Variants in INPP4B observed in about 807,000 individuals in gnomAD.
INPP4B encodes inositol polyphosphate 4-phosphatase type II.
Under a neutral mutation model 122.5 loss-of-function variants are expected in INPP4B, and 55 were observed. The observed-to-expected ratio is 0.45, with a 90% CI of 0.36 to 0.56. The LOEUF (loss-of-function observed/expected upper bound fraction) is 0.56, where lower values mean the gene tolerates loss of function less well. Among genes scored for constraint, INPP4B ranks in the 20% least tolerant of loss-of-function variants. The pLI, the probability that INPP4B is intolerant of heterozygous loss-of-function variation, is 0.00. For synonymous variants in INPP4B, 403 were observed against 388.7 expected (o/e 1.04, Z -0.43); for missense variants, 1,000 against 1,097.7 (o/e 0.91, Z 1.26).
chr4:142,307,634 G>A (rs1327718948), intron 8 of INPP4B, among the ~76,000 whole-genome samples: 1 of 152,178 alleles, frequency 6.6e-6, no homozygotes, highest in Non-Finnish European at 1.5e-5. Flanking sequence ...CAATTTTATA[G>A]TATGCAGATC....
At chr4:142,312,220 C>T (rs3775699) in intron 8 of INPP4B, among the ~76,000 whole-genome samples, 46,418 of 151,986 alleles carry the variant, frequency 0.31, 8,354 homozygotes, top group African/African-American at 0.51. Flanking sequence ...CTCATTAACA[C>T]GCCTTGATGA....
intron 2 of INPP4B, among the ~76,000 whole-genome samples, chr4:142,722,536 G>C (rs183363434): frequency 5.9e-5 from 9 of 152,074 alleles, no homozygotes; most frequent in Admixed American, 5.9e-4. Flanking sequence ...ACCCAGAAGA[G>C]TTAAAAAGAC....
chr4:142,117,233 C>G (rs1794031214), intron 21 of INPP4B, among the ~76,000 whole-genome samples: 1 of 151,924 alleles, frequency 6.6e-6, no homozygotes. Flanking sequence ...ATCAGAGGTA[C>G]AAAGAGAAGC....
chr4:142,651,351 G>C (rs1752924473), intron 2 of INPP4B, among the ~76,000 whole-genome samples: 1 of 151,976 alleles, frequency 6.6e-6, no homozygotes, highest in African/African-American at 2.4e-5. Context: ...GCTAGTGGAA[G>C]GCAAGAAATA....
At chr4:142,676,247 C>T (rs926327941) in intron 2 of INPP4B, among the ~76,000 whole-genome samples, 2 of 151,962 alleles carry the variant, frequency 1.3e-5, no homozygotes, top group Admixed American at 6.6e-5. Context: ...TTCACAATTG[C>T]TACAAAGAGA....
chr4:142,670,698 G>T (rs1434921486), intron 2 of INPP4B, among the ~76,000 whole-genome samples: 2 of 152,078 alleles, frequency 1.3e-5, no homozygotes, highest in African/African-American at 4.8e-5. Context: ...CAAAATTTCA[G>T]TTAGATAGAA....
At chr4:142,471,889 G>T (rs1477111652) in intron 2 of INPP4B, among the ~76,000 whole-genome samples, 1 of 149,510 alleles carries the variant, frequency 6.7e-6, no homozygotes, top group Non-Finnish European at 1.5e-5. Flanking sequence ...ACACACACAC[G>T]TATATGTTAT....
At chr4:142,102,798 C>A (rs759464034) in intron 23 of INPP4B, among the ~76,000 whole-genome samples, 3 of 152,012 alleles carry the variant, frequency 2.0e-5, no homozygotes, top group African/African-American at 7.2e-5. Flanking sequence ...GGGGCCTCAT[C>A]ATTGTTACCT....
chr4:142,705,458 A>AACACACACAC lies in INPP4B; in HGVS notation c.-191+20371_-191+20380dup, dbSNP rs56300337. On this transcript the variant is annotated intron_variant, in intron 2 of 25. Transcript: ENST00000262992. ...AGTCTCTCTACCCATTCCCACCCCA[A>AACACACACAC]ACACACACACACACACACACACACA... 5.8e-3 allele frequency among the ~76,000 whole-genome samples: 855 copies of AACACACACAC among 146,258 alleles called. 13 individuals carry two copies. The highest frequency in any genetic ancestry group is 0.021 in the African/African-American group (805 of 38,996).
At chr4:142,191,051 GAC>G (rs1835583735) in intron 15 of INPP4B, among the ~76,000 whole-genome samples, 1 of 152,176 alleles carries the variant, frequency 6.6e-6, no homozygotes, top group Admixed American at 6.5e-5. Flanking sequence ...TCAAGACTGA[GAC>G]ACAGTTCCAG....
intron 15 of INPP4B, among the ~76,000 whole-genome samples, chr4:142,174,244 A>G (rs1049478695): frequency 6.6e-6 from 1 of 152,108 alleles, no homozygotes; most frequent in Admixed American, 6.6e-5. Context: ...TAGCTTGGTG[A>G]CTTTGGGCAG....
chr4:142,832,579 A>G (rs1782279287), intron 1 of INPP4B, among the ~76,000 whole-genome samples: 1 of 152,232 alleles, frequency 6.6e-6, no homozygotes, highest in Non-Finnish European at 1.5e-5. Flanking sequence ...GGCCCCGGCC[A>G]ACGCAGTGGT....
At position 142,270,700 on chromosome 4, in the gene INPP4B, T is replaced by C; in HGVS notation, c.578A>G (p.Glu193Gly). Residue 193 changes from glutamate to glycine, a missense_variant, in exon 10 of 26, where the codon GAA (glutamate) becomes GGA (glycine). Transcript: ENST00000262992. ...VVKMGEIEDG[E>G]ADHITTDVQG... Reference sequence around the variant, plus strand: ...TACATCTGTGGTGATGTGGTCGGCTTCCCCATCCTCAATCTCCCCCATCTT... The same window carrying C: ...TACATCTGTGGTGATGTGGTCGGCTCCCCCATCCTCAATCTCCCCCATCTT... The C allele has an allele frequency of 6.2e-7, 1 of 1,613,506 alleles. No individual in the cohort carries two copies. Among genetic ancestry groups the C allele is most frequent in the Non-Finnish European group, 8.5e-7 (1 of 1,179,520 alleles).
At chr4:142,674,106 G>A (rs1757382815) in intron 2 of INPP4B, among the ~76,000 whole-genome samples, 1 of 152,100 alleles carries the variant, frequency 6.6e-6, no homozygotes, top group Non-Finnish European at 1.5e-5. Flanking sequence ...AGTTCAAAGG[G>A]TTGGTCATTC....
chr4:142,793,648 A>G (rs760462702), intron 1 of INPP4B, among the ~76,000 whole-genome samples: 3 of 152,128 alleles, frequency 2.0e-5, no homozygotes, highest in Admixed American at 1.3e-4. Context: ...AAAAGAAAAA[A>G]TAAATGAATA....
intron 22 of INPP4B, 86 bp downstream of exon 22, chr4:142,112,456 C>T (rs1790683576): frequency 7.7e-7 from 1 of 1,296,870 alleles, no homozygotes; most frequent in African/African-American, 1.5e-5. Context: ...GATGTTAGTT[C>T]TACATGCAGA....
intron 2 of INPP4B, among the ~76,000 whole-genome samples, chr4:142,627,134 A>T (rs1746628466): frequency 6.6e-6 from 1 of 152,150 alleles, no homozygotes; most frequent in Non-Finnish European, 1.5e-5. Flanking sequence ...GTGTCAGTGC[A>T]CTTCAGTCAA....
chr4:142,531,934 A>G (rs982493272), intron 2 of INPP4B, among the ~76,000 whole-genome samples: 17 of 152,246 alleles, frequency 1.1e-4, no homozygotes, highest in African/African-American at 3.9e-4. Context: ...TTAATATCCA[A>G]TTTCACCATG....
At chr4:142,082,691 C>T (rs1215625119) in intron 24 of INPP4B, among the ~76,000 whole-genome samples, 3 of 152,142 alleles carry the variant, frequency 2.0e-5, no homozygotes, top group African/African-American at 4.8e-5. Context: ...TTTAAACATC[C>T]TCATGGTGCC....
Sources: allele counts gnomAD v4.1 joint callset (sites outside exome capture counted in the v4.1 genomes callset), GRCh38; gene constraint gnomAD v4.1.1; transcripts MANE v1.5; gene names NCBI Gene and HGNC (gene_info 2026-07-23, HGNC 2026-07-21).